The following PXDNL variants were observed in gnomAD, a reference collection of about 807,000 sequenced individuals.
PXDNL encodes the protein probable oxidoreductase PXDNL.
Under a neutral mutation model 150.8 loss-of-function variants are expected in PXDNL, and 145 were observed. That is an observed-to-expected ratio of 0.96 (90% CI 0.84 to 1.10). PXDNL has a LOEUF of 1.10. Among genes scored for constraint, PXDNL ranks in the 50% least tolerant of loss-of-function variants. The probability of loss-of-function intolerance (pLI) is 0.00; values close to 1 mark genes in which losing one functional copy is unlikely to be tolerated. For synonymous variants in PXDNL, 757 were observed against 725.7 expected (o/e 1.04, Z -0.69); for missense variants, 2,087 against 1,873.9 (o/e 1.11, Z -2.10).
intron 19 of PXDNL, among the ~76,000 whole-genome samples, chr8:51,362,831 G>A (rs1213075978): frequency 6.6e-6 from 1 of 152,208 alleles, no homozygotes; most frequent in Non-Finnish European, 1.5e-5. Flanking sequence ...GTGTTCATAT[G>A]TGTACTATAT....
chr8:51,465,831 A>G (rs990704932), intron 8 of PXDNL, among the ~76,000 whole-genome samples: 17 of 152,314 alleles, frequency 1.1e-4, no homozygotes, highest in East Asian at 3.9e-4. Flanking sequence ...CTAGAACTAC[A>G]TCTAACCAAG....
chr8:51,532,013 C>T (rs1811917061), intron 4 of PXDNL, among the ~76,000 whole-genome samples: 1 of 152,208 alleles, frequency 6.6e-6, no homozygotes, highest in Admixed American at 6.5e-5. Flanking sequence ...GCTACAACAG[C>T]TTGCAAATCG....
intron 8 of PXDNL, among the ~76,000 whole-genome samples, chr8:51,464,974 A>G (rs1810172237): frequency 6.6e-6 from 1 of 152,202 alleles, no homozygotes; most frequent in Non-Finnish European, 1.5e-5. Flanking sequence ...TTTACCTGAC[A>G]TACAAAGAAG....
intron 2 of PXDNL, among the ~76,000 whole-genome samples, chr8:51,621,583 A>G (rs1814255119): frequency 2.0e-5 from 3 of 152,004 alleles, no homozygotes; most frequent in Non-Finnish European, 4.4e-5. Flanking sequence ...CTATTCCTCA[A>G]GAATGGGACT....
intron 17 of PXDNL, among the ~76,000 whole-genome samples, chr8:51,403,370 T>A (rs1401612396): frequency 6.6e-6 from 1 of 152,134 alleles, no homozygotes; most frequent in Non-Finnish European, 1.5e-5. Flanking sequence ...GAGGAGTAGA[T>A]GCCAAGGAAC....
At chr8:51,328,834 G>A (rs115667933) in intron 21 of PXDNL, among the ~76,000 whole-genome samples, 30 of 152,224 alleles carry the variant, frequency 2.0e-4, no homozygotes, top group Admixed American at 5.2e-4. Flanking sequence ...CCCTGGCAGC[G>A]GGAGGGGAAG....
chr8:51,468,785 C>T (rs916567426), intron 8 of PXDNL, among the ~76,000 whole-genome samples: 7 of 151,906 alleles, frequency 4.6e-5, no homozygotes, highest in African/African-American at 7.2e-5. Flanking sequence ...TAACAGAATT[C>T]ACAGTATCAC....
At chr8:51,687,434 G>T (rs1815901763) in intron 1 of PXDNL, among the ~76,000 whole-genome samples, 1 of 152,168 alleles carries the variant, frequency 6.6e-6, no homozygotes, top group African/African-American at 2.4e-5. Flanking sequence ...ACGGTATATA[G>T]CTAGAAGTAA....
intron 1 of PXDNL, among the ~76,000 whole-genome samples, chr8:51,718,144 T>C (rs560429283): frequency 6.6e-6 from 1 of 152,190 alleles, no homozygotes; most frequent in Admixed American, 6.5e-5. Flanking sequence ...AATAGGAGCA[T>C]GGGCAAGTAC....
In PXDNL at chr8:51,809,235, C is replaced by G; in HGVS notation, c.110G>C (p.Cys37Ser). The G allele has an allele frequency of 6.2e-7, 1 of 1,613,100 alleles. No individual in the cohort carries two copies. Among genetic ancestry groups the G allele is most frequent in the Non-Finnish European group, 8.5e-7 (1 of 1,179,536 alleles). Residue 37 changes from cysteine (C) to serine (S), a missense_variant, in exon 1 of 23, where the codon TGC (cysteine) becomes TCC (serine). By Grantham distance (112) the Cys-to-Ser change is moderately radical (BLOSUM62 -1). Coordinates refer to ENST00000356297, the MANE Select transcript of PXDNL (RefSeq NM_144651.5). ...AATGTGGTCCAGCATCAAGTGCATG[C>G]AGCGGACGGTGCTCTTAAAGCAAAG... Reference protein sequence around the residue: ...RCLCFKSTVRCMHLMLDHIPQ... With the variant: ...RCLCFKSTVRSMHLMLDHIPQ...
At chr8:51,617,040 T>A (rs189642010) in intron 2 of PXDNL, among the ~76,000 whole-genome samples, 21 of 152,310 alleles carry the variant, frequency 1.4e-4, no homozygotes, top group African/African-American at 4.8e-4. Context: ...CCAACTGTAC[T>A]TACATGTATA....
At chr8:51,513,671 A>G (rs150369814) in intron 4 of PXDNL, among the ~76,000 whole-genome samples, 270 of 152,370 alleles carry the variant, frequency 1.8e-3, no homozygotes, top group African/African-American at 6.2e-3. Flanking sequence ...ACTATAGATT[A>G]GTATTGGCAT....
Position 51,499,755 on chromosome 8 carries a change from G to A in PXDNL, c.396C>T (p.Asn132=). 6.2e-7 allele frequency: 1 copy of A among 1,612,800 alleles called. No homozygotes were observed. The highest frequency in any genetic ancestry group is 1.7e-5 in the Admixed American group (1 of 60,010). The change falls in exon 5 of 23, where the codon AAC becomes AAT. Residue 132 remains asparagine, a synonymous_variant. Coordinates refer to ENST00000356297, the MANE Select transcript of PXDNL (RefSeq NM_144651.5). ...ISLEHLYIHF[N]QLEMLQPETF... is the part of the protein sequence containing the mutation. ...TCTCTGGCTGTAGCATTTCTAGTTG[G>A]TTGAAATGAATATACCTGGAAGGCA...
At chr8:51,356,838 T>G (rs1806525133) in intron 19 of PXDNL, among the ~76,000 whole-genome samples, 1 of 152,214 alleles carries the variant, frequency 6.6e-6, no homozygotes, top group South Asian at 2.1e-4. Flanking sequence ...GCTACGCCTC[T>G]GTCGGAGCTC....
Position 51,483,677 on chromosome 8 carries a change from C to A in PXDNL, c.490G>T (p.Gly164Trp), listed in dbSNP as rs1398695324. ...HNNKLSKIPA[G>W]SFSNLDSLKR... ...AATGAATCCAGATTAGAAAAGCTCC[C>A]AGCTGGAATTTTAGATAATTTGTTG... Residue 164 changes from glycine (G) to tryptophan (W), a missense_variant, in exon 6 of 23, where the codon GGG (glycine) becomes TGG (tryptophan). Transcript: ENST00000356297. The A allele has an allele frequency of 1.3e-6, 2 of 1,526,318 alleles. No individual in the cohort carries two copies. The highest frequency in any genetic ancestry group is 1.8e-6 in the Non-Finnish European group (2 of 1,126,418). 94.5% of individuals were successfully genotyped at this position (1,526,318 alleles called of 1,614,324 possible). A position where few individuals can be genotyped will look rare whatever the true frequency, so the allele number is the denominator to read the frequency against.
intron 4 of PXDNL, among the ~76,000 whole-genome samples, chr8:51,503,405 T>G (rs959066991): frequency 1.8e-4 from 27 of 152,308 alleles, no homozygotes; most frequent in Non-Finnish European, 3.1e-4. Flanking sequence ...TTTCAAAATT[T>G]TTTTTAAAAC....
rs71237230 is a variant in PXDNL, at chr8:51,700,258, A to AAC, written c.165-45500_165-45499dup. Among the ~76,000 whole-genome samples, 755 of 150,594 alleles carry AAC rather than the reference A, an allele frequency of 5.0e-3. 3 individuals carry two copies. The highest frequency in any genetic ancestry group is 0.017 in the African/African-American group (700 of 40,950). On this transcript the variant is annotated intron_variant, in intron 1 of 22. Coordinates refer to ENST00000356297, the MANE Select transcript of PXDNL (RefSeq NM_144651.5). ...ATACATACCCACACATATACACTCA[A>AAC]ACACACACACACACACATATATACA... is the stretch of plus-strand genomic sequence containing the variant.
intron 1 of PXDNL, among the ~76,000 whole-genome samples, chr8:51,767,167 T>C (rs2037240770): frequency 6.6e-6 from 1 of 152,054 alleles, no homozygotes; most frequent in Admixed American, 6.6e-5. Flanking sequence ...ACATCTGAGT[T>C]TTCTTATGGA....
intron 20 of PXDNL, among the ~76,000 whole-genome samples, chr8:51,343,630 A>G (rs1806056151): frequency 6.6e-6 from 1 of 152,138 alleles, no homozygotes; most frequent in Non-Finnish European, 1.5e-5. Flanking sequence ...TTTGAGGTAA[A>G]ACCTGGGTGT....
Sources: allele counts gnomAD v4.1 joint callset (sites outside exome capture counted in the v4.1 genomes callset), GRCh38; gene constraint gnomAD v4.1.1; transcripts MANE v1.5; gene names NCBI Gene and HGNC (gene_info 2026-07-23, HGNC 2026-07-21).